Variants in ELP3 observed in about 807,000 individuals in gnomAD.
ELP3 encodes elongator complex protein 3.
ELP3 carries 56 observed loss-of-function variants against 74.9 expected under a neutral mutation model. The ratio of observed to expected loss-of-function variants is 0.75; its 90% CI spans 0.60 to 0.93. The LOEUF is 0.93. Ranked by LOEUF, ELP3 falls within the 40% of genes least tolerant of loss-of-function variation. ELP3 has a pLI of 0.00. For synonymous variants in ELP3, 222 were observed against 239.8 expected (o/e 0.93, Z 0.68); for missense variants, 573 against 686.5 (o/e 0.83, Z 1.85).
At chr8:28,107,795 G>A (rs2130380553) in intron 4 of ELP3, 118 bp from the exon 5 acceptor site, 1 of 716,154 alleles carries the variant, frequency 1.4e-6, no homozygotes, top group East Asian at 2.7e-5. Context: ...TCTTCTGTTA[G>A]GATTTGAAAA....
upstream of ELP3, among the ~76,000 whole-genome samples, chr8:28,092,260 T>C (rs1811072925): frequency 6.6e-6 from 1 of 152,186 alleles, no homozygotes; most frequent in African/African-American, 2.4e-5. Flanking sequence ...AGACAGGGTC[T>C]CGCTCTGTCG....
At chr8:28,109,993 A>G (rs1321058156) in intron 5 of ELP3, among the ~76,000 whole-genome samples, 1 of 152,214 alleles carries the variant, frequency 6.6e-6, no homozygotes, top group Non-Finnish European at 1.5e-5. Context: ...GGTGGTAGCC[A>G]TTACAAACTG....
At chr8:28,098,074 C>T (rs1016788180) in intron 2 of ELP3, among the ~76,000 whole-genome samples, 5 of 152,144 alleles carry the variant, frequency 3.3e-5, no homozygotes, top group African/African-American at 1.2e-4. Flanking sequence ...CTTTGGGGCC[C>T]CTGATCTAAT....
intron 10 of ELP3, among the ~76,000 whole-genome samples, chr8:28,143,731 C>T (rs1411776074): frequency 2.0e-5 from 3 of 152,158 alleles, no homozygotes; most frequent in Non-Finnish European, 4.4e-5. Flanking sequence ...AGCTAAACTT[C>T]ATAGAACTTT....
At chr8:28,155,888 C>A in intron 10 of ELP3, 54 bp from the exon 11 acceptor site, 2 of 1,403,930 alleles carry the variant, frequency 1.4e-6, no homozygotes, top group Non-Finnish European at 2.0e-6. Flanking sequence ...TGCCTTACTG[C>A]TGTGGAGAAT....
At chr8:28,151,474 T>C (rs952702721) in intron 10 of ELP3, among the ~76,000 whole-genome samples, 1 of 152,254 alleles carries the variant, frequency 6.6e-6, no homozygotes, top group African/African-American at 2.4e-5. Flanking sequence ...TTGTATCTTT[T>C]GCCTTTTGGT....
upstream of ELP3, among the ~76,000 whole-genome samples, chr8:28,090,927 G>A (rs1216137172): frequency 1.6e-5 from 2 of 124,078 alleles, no homozygotes; most frequent in Non-Finnish European, 3.3e-5. Flanking sequence ...TTTTTTTTGA[G>A]CCGGAGTCTC....
chr8:28,107,076 C>T (rs571918115), intron 4 of ELP3, among the ~76,000 whole-genome samples: 16 of 152,150 alleles, frequency 1.1e-4, no homozygotes, highest in African/African-American at 2.4e-4. Context: ...TGTGAGACTC[C>T]GTCTCTACTA....
chr8:28,098,325 C>G (rs1306140878), intron 2 of ELP3, among the ~76,000 whole-genome samples: 4 of 152,162 alleles, frequency 2.6e-5, no homozygotes, highest in Non-Finnish European at 5.9e-5. Flanking sequence ...CTTAGACTCT[C>G]TTCTCTGATA....
At position 28,106,539 on chromosome 8, in the gene ELP3, C is replaced by CAAA. The variant is rs61714722; in HGVS notation, c.259-148_259-146dup. Among the ~76,000 whole-genome samples, 22 of 112,688 alleles carry CAAA rather than the reference C, an allele frequency of 2.0e-4. 1 individual carries two copies. Among genetic ancestry groups the CAAA allele is most frequent in the African/African-American group, 3.0e-4 (10 of 33,442 alleles). The allele number at this position is 112,688 out of a possible 152,430, so 73.9% of individuals were successfully genotyped here. ...TGGGCGACAGAGCGAGACTCCGTCT[C>CAAA]AAAAAAAAAAAAAAAAAAAAAAAAA... On this transcript the variant is annotated intron_variant, in intron 3 of 14. Coordinates refer to ENST00000256398, the MANE Select transcript of ELP3 (RefSeq NM_018091.6).
At chr8:28,126,003 A>AG (rs1327571622) in intron 7 of ELP3, among the ~76,000 whole-genome samples, 2 of 152,094 alleles carry the variant, frequency 1.3e-5, no homozygotes, top group Non-Finnish European at 2.9e-5. Context: ...TTCCTTCTTC[A>AG]AATTTGTAAT....
chr8:28,111,305 A>G (rs1267235372), intron 6 of ELP3, among the ~76,000 whole-genome samples: 2 of 152,242 alleles, frequency 1.3e-5, no homozygotes, highest in African/African-American at 4.8e-5. Flanking sequence ...TACTATGTAC[A>G]TGACCTTGCA....
At chr8:28,137,461 G>A (rs149929484) in intron 9 of ELP3, among the ~76,000 whole-genome samples, 1 of 152,320 alleles carries the variant, frequency 6.6e-6, no homozygotes, top group African/African-American at 2.4e-5. Context: ...ATGAGATTGT[G>A]CAGGAGACAA....
intron 7 of ELP3, 103 bp downstream of exon 7, chr8:28,113,276 T>G: frequency 1.3e-6 from 1 of 786,456 alleles, no homozygotes; most frequent in Non-Finnish European, 1.9e-6. Flanking sequence ...ACATTCTTAC[T>G]TCTCATAATC....
chr8:28,104,416 T>A (rs968173238), intron 3 of ELP3, among the ~76,000 whole-genome samples: 7 of 152,234 alleles, frequency 4.6e-5, no homozygotes, highest in African/African-American at 1.4e-4. Flanking sequence ...GGTTGTTAAC[T>A]TGGATACATT....
At chr8:28,168,402 G>A (rs1814392152) in intron 14 of ELP3, among the ~76,000 whole-genome samples, 1 of 152,188 alleles carries the variant, frequency 6.6e-6, no homozygotes. Context: ...TGTGCATGTT[G>A]AGATCTTGAA....
chr8:28,132,500 G>GCATCC, intron 9 of ELP3, 96 bp downstream of exon 9: 1 of 1,512,674 alleles, frequency 6.6e-7, no homozygotes, highest in Non-Finnish European at 9.1e-7. Context: ...GTTTTCCAGT[G>GCATCC]TTAAAGAAAT....
intron 11 of ELP3, among the ~76,000 whole-genome samples, chr8:28,156,961 C>A (rs1219337519): frequency 2.0e-5 from 3 of 152,042 alleles, no homozygotes; most frequent in Non-Finnish European, 4.4e-5. Flanking sequence ...AGAAAAATAG[C>A]AAAGGACACC....
intron 7 of ELP3, among the ~76,000 whole-genome samples, chr8:28,128,485 A>AT (rs1812668129): frequency 6.6e-6 from 1 of 152,094 alleles, no homozygotes; most frequent in African/African-American, 2.4e-5. Context: ...CAAAAAAAAA[A>AT]TTGAGAGATG....
Sources: allele counts gnomAD v4.1 joint callset (sites outside exome capture counted in the v4.1 genomes callset), GRCh38; gene constraint gnomAD v4.1.1; transcripts MANE v1.5; gene names NCBI Gene and HGNC (gene_info 2026-07-23, HGNC 2026-07-21).